DCC: variants seen among roughly 807,000 people sequenced by gnomAD.
The protein encoded by DCC is DCC netrin 1 receptor, also known as netrin receptor DCC.
A neutral mutation model predicts 172.5 loss-of-function variants in DCC; 58 were observed. The ratio of observed to expected loss-of-function variants is 0.34; its 90% CI spans 0.27 to 0.42. The LOEUF is 0.42. DCC is among the 10% of genes least tolerant of loss of function. The pLI is 1.00. For missense variants in DCC, 1,740 were observed against 1,791.0 expected (o/e 0.97, Z 0.51); for synonymous variants, 709 against 644.5 (o/e 1.10, Z -1.52).
chr18:53,259,016 A>G lies in DCC; in HGVS notation c.1911+43419A>G, dbSNP rs1598956311. 2.0e-5 allele frequency among the ~76,000 whole-genome samples: 3 copies of G among 152,244 alleles called. 1 individual carries two copies. The highest frequency in any genetic ancestry group is 2.0e-4 in the Admixed American group (3 of 15,292). ...GTTGGTTTAAAGTCTGTTTTATCAG[A>G]GACTAGGATTGCAACCCCTGCCTTT... On this transcript the variant is annotated intron_variant, in intron 12 of 28. Transcript: ENST00000442544.
At chr18:52,988,856 A>G (rs1434574806) in intron 5 of DCC, among the ~76,000 whole-genome samples, 3 of 152,232 alleles carry the variant, frequency 2.0e-5, no homozygotes, top group Non-Finnish European at 4.4e-5. Context: ...TTGCATTGCA[A>G]TATTTACTAT....
intron 5 of DCC, among the ~76,000 whole-genome samples, chr18:52,982,035 A>G (rs756022174): frequency 5.9e-5 from 9 of 152,094 alleles, no homozygotes; most frequent in Non-Finnish European, 1.2e-4. Context: ...GAAGGCTGAA[A>G]CCAGATGCTT....
At chr18:53,487,848 A>C (rs149122027) in intron 26 of DCC, among the ~76,000 whole-genome samples, 277 of 152,252 alleles carry the variant, frequency 1.8e-3, no homozygotes, top group African/African-American at 6.4e-3. Flanking sequence ...CAAAAACTCG[A>C]GGAAAAATAG....
intron 13 of DCC, among the ~76,000 whole-genome samples, chr18:53,309,002 A>T (rs950673110): frequency 6.6e-6 from 1 of 151,698 alleles, no homozygotes. Flanking sequence ...CCATCTTTTT[A>T]TACTTTCCTC....
At chr18:52,341,029 A>G in intron 1 of DCC, 151 bp downstream of exon 1, 2 of 650,146 alleles carry the variant, frequency 3.1e-6, no homozygotes, top group Non-Finnish European at 5.5e-6. Context: ...GATAAAAGAT[A>G]GAAGAGTTTT....
At chr18:52,856,392 G>T (rs1010251939) in intron 2 of DCC, among the ~76,000 whole-genome samples, 22 of 151,662 alleles carry the variant, frequency 1.5e-4, no homozygotes, top group African/African-American at 5.3e-4. Context: ...TTGGGAGGCC[G>T]AGGCGGGCGT....
intron 14 of DCC, among the ~76,000 whole-genome samples, chr18:53,334,553 A>G (rs909114236): frequency 6.6e-6 from 1 of 152,194 alleles, no homozygotes; most frequent in Non-Finnish European, 1.5e-5. Context: ...GCAAAAGTGA[A>G]GTGCTGTACC....
Position 52,465,895 on chromosome 18 carries a change from C to T in DCC, c.91+125017C>T, listed in dbSNP as rs190429431. Among the ~76,000 whole-genome samples the T allele has an allele frequency of 2.0e-4, 31 of 152,264 alleles. No individual in the cohort carries two copies. The East Asian group carries it at 3.5e-3, about 17-fold the overall frequency. Reference sequence around the variant, plus strand: ...TCTGTACTTGTCACAAAAGTTATTTCTTCTAATTCTTATCCAGATATAGGG... The same window carrying T: ...TCTGTACTTGTCACAAAAGTTATTTTTTCTAATTCTTATCCAGATATAGGG... On this transcript the variant is annotated intron_variant, in intron 1 of 28. Transcript: ENST00000442544.
At position 53,459,287 on chromosome 18, in the gene DCC, C is replaced by T. The variant is rs199876013; in HGVS notation, c.3448C>T (p.Pro1150Ser). The change falls in exon 24 of 29, where the codon CCC (proline) becomes TCC (serine). Residue 1150 changes from proline (P) to serine (S), a missense_variant. Coordinates refer to ENST00000442544, the MANE Select transcript of DCC (RefSeq NM_005215.4). ...GAAGGGCAGCCAGAAGGACCTCCGA[C>T]CCCCTGATCTTTGGATCCATCATGA... ...KRKGSQKDLRPPDLWIHHEEM... is the reference protein window; with the variant it reads ...KRKGSQKDLRSPDLWIHHEEM... The T allele has an allele frequency of 3.1e-6, 5 of 1,613,980 alleles. No individual in the cohort carries two copies. In the African/African-American group the frequency reaches 6.7e-5, roughly 22 times the overall value.
At chr18:52,505,378 T>C (rs28625912) in intron 1 of DCC, among the ~76,000 whole-genome samples, 61 of 152,320 alleles carry the variant, frequency 4.0e-4, no homozygotes, top group African/African-American at 1.3e-3. Flanking sequence ...GGTAATGGAA[T>C]TGCCCAGTTT....
At chr18:53,342,359 G>A (rs2057668524) in intron 15 of DCC, among the ~76,000 whole-genome samples, 1 of 151,828 alleles carries the variant, frequency 6.6e-6, no homozygotes, top group Non-Finnish European at 1.5e-5. Context: ...ACTCCTTTTA[G>A]TTCAAGAGCC....
chr18:52,532,374 A>T (rs2032175789), intron 1 of DCC, among the ~76,000 whole-genome samples: 1 of 152,194 alleles, frequency 6.6e-6, no homozygotes, highest in Admixed American at 6.5e-5. Flanking sequence ...GATCACATTT[A>T]AAATTTTACC....
chr18:53,059,751 G>T (rs2042467776), intron 5 of DCC, among the ~76,000 whole-genome samples: 1 of 151,786 alleles, frequency 6.6e-6, no homozygotes, highest in African/African-American at 2.4e-5. Flanking sequence ...TCATTTCCAT[G>T]GCATTATCCG....
chr18:53,361,213 G>A (rs969208140), intron 15 of DCC, among the ~76,000 whole-genome samples: 4 of 152,106 alleles, frequency 2.6e-5, no homozygotes, highest in Admixed American at 6.6e-5. Context: ...TTCAGGGACC[G>A]TGCGGCCCTG....
intron 12 of DCC, among the ~76,000 whole-genome samples, chr18:53,219,688 C>G (rs758964112): frequency 6.6e-6 from 1 of 152,008 alleles, no homozygotes; most frequent in African/African-American, 2.4e-5. Flanking sequence ...TCAAAGCAAC[C>G]GAAGAAAAAG....
chr18:52,365,191 A>G (rs1271974493), intron 1 of DCC, among the ~76,000 whole-genome samples: 1 of 152,194 alleles, frequency 6.6e-6, no homozygotes, highest in East Asian at 1.9e-4. Flanking sequence ...TAATGCTTGA[A>G]TGTTTGGAAG....
chr18:52,715,873 G>A (rs2036371846), intron 1 of DCC, among the ~76,000 whole-genome samples: 2 of 152,082 alleles, frequency 1.3e-5, no homozygotes, highest in Admixed American at 1.3e-4. Context: ...AGGAGAAGGA[G>A]TTCTGGCTTA....
chr18:52,985,530 G>A (rs938585457), intron 5 of DCC, among the ~76,000 whole-genome samples: 1 of 151,928 alleles, frequency 6.6e-6, no homozygotes, highest in Non-Finnish European at 1.5e-5. Context: ...TGATATTATC[G>A]GTAGGTATGG....
intron 12 of DCC, among the ~76,000 whole-genome samples, chr18:53,266,267 A>G (rs1011052859): frequency 1.3e-5 from 2 of 152,190 alleles, no homozygotes; most frequent in African/African-American, 4.8e-5. Flanking sequence ...GGACACTGCT[A>G]TTTCAATCCT....
Sources: gnomAD v4.1 joint callset for allele counts (sites outside exome capture counted in the v4.1 genomes callset) on GRCh38, gnomAD v4.1.1 for gene constraint, MANE v1.5 for transcripts, NCBI Gene and HGNC (gene_info 2026-07-23, HGNC 2026-07-21) for gene names.